The following MUSK variants were observed in gnomAD, a reference collection of about 807,000 sequenced individuals.
MUSK encodes muscle associated receptor tyrosine kinase.
MUSK carries 55 observed loss-of-function variants against 88.7 expected under a neutral mutation model. The ratio of observed to expected loss-of-function variants is 0.62; its 90% confidence interval spans 0.50 to 0.78. The LOEUF (loss-of-function observed/expected upper bound fraction) is 0.78. Ranked by LOEUF, MUSK falls within the 30% of genes least tolerant of loss-of-function variation. MUSK has a pLI of 0.00. For missense variants in MUSK, 1,015 were observed against 1,074.3 expected, an observed-to-expected ratio of 0.94 and a Z score of 0.77; for synonymous variants, 387 against 391.9, an observed-to-expected ratio of 0.99 and a Z score of 0.15.
chr9:110,726,134 A>G (rs949906316), intron 5 of MUSK, among the ~76,000 whole-genome samples: 3 of 152,050 alleles, frequency 2.0e-5, no homozygotes, highest in Admixed American at 1.3e-4. Context: ...ATTTGTATCT[A>G]TAAAGAGGTA....
chr9:110,762,248 GT>G, intron 8 of MUSK, 40 bp downstream of exon 8: 2 of 1,380,812 alleles, frequency 1.4e-6, no homozygotes, highest in Non-Finnish European at 9.5e-7. Context: ...CCAATGTTTT[GT>G]TTTGTAGGGA....
chr9:110,785,819 T>C (rs1001251718), intron 13 of MUSK, 101 bp downstream of exon 13: 1 of 669,390 alleles, frequency 1.5e-6, no homozygotes, highest in East Asian at 3.0e-5. Context: ...GCTTTATATA[T>C]ATATACACAC....
chr9:110,674,786 A>AT (rs887779258), intron 1 of MUSK, among the ~76,000 whole-genome samples: 2 of 151,854 alleles, frequency 1.3e-5, no homozygotes, highest in Non-Finnish European at 2.9e-5. Flanking sequence ...TAATTTTTAA[A>AT]TTTTTTGTAG....
rs1564293633 is a variant in MUSK, at chr9:110,787,742, C to G, written c.1831C>G (p.Leu611Val). The G allele has an allele frequency of 6.2e-7, 1 of 1,613,888 alleles. No homozygotes were observed. The highest frequency in any genetic ancestry group is 8.5e-7 in the Non-Finnish European group (1 of 1,179,824). Residue 611 changes from leucine to valine, a missense_variant, in exon 14 of 15, where the codon CTC becomes GTC. Coordinates refer to ENST00000374448, the MANE Select transcript of MUSK (RefSeq NM_005592.4). ...EPFTMVAVKM[L>V]KEEASADMQA... The stretch of plus-strand genomic sequence containing the variant: ...TTTCACTATGGTGGCAGTAAAGATG[C>G]TCAAAGAAGAAGCCTCGGCAGATAT...
chr9:110,781,253 G>C (rs565448975), intron 11 of MUSK, among the ~76,000 whole-genome samples: 216 of 109,820 alleles, frequency 2.0e-3, no homozygotes, highest in African/African-American at 6.7e-3. Flanking sequence ...GTTTGTGTGT[G>C]TTTTTTTGTT....
intron 14 of MUSK, chr9:110,788,069 T>G (rs2077905833): frequency 2.0e-6 from 1 of 501,820 alleles, no homozygotes; most frequent in Admixed American, 3.7e-5. Context: ...CTTTGCTGCC[T>G]CCTATTTATA....
intron 6 of MUSK, among the ~76,000 whole-genome samples, chr9:110,741,407 A>T (rs1353795360): frequency 6.6e-6 from 1 of 152,130 alleles, no homozygotes; most frequent in Non-Finnish European, 1.5e-5. Context: ...AGGAAGACTG[A>T]TTGGCTGTAG....
intron 4 of MUSK, among the ~76,000 whole-genome samples, chr9:110,696,284 A>C (rs1437774234): frequency 6.6e-6 from 1 of 151,988 alleles, no homozygotes; most frequent in East Asian, 1.9e-4. Flanking sequence ...TCTCAAAAAA[A>C]AAAAAAGTTA....
At chr9:110,797,969 A>T (rs1564298530) in intron 14 of MUSK, among the ~76,000 whole-genome samples, 1 of 152,224 alleles carries the variant, frequency 6.6e-6, no homozygotes, top group East Asian at 1.9e-4. Flanking sequence ...TAGCATGCTT[A>T]TACATCACTA....
intron 5 of MUSK, among the ~76,000 whole-genome samples, chr9:110,725,220 A>C (rs967567136): frequency 1.3e-5 from 2 of 152,100 alleles, no homozygotes; most frequent in Non-Finnish European, 2.9e-5. Context: ...ATGCAAAGGC[A>C]TAAGAATGAC....
chr9:110,731,921 T>G (rs62574063), intron 5 of MUSK, among the ~76,000 whole-genome samples: 42,078 of 148,012 alleles, frequency 0.28, 6,724 homozygotes, highest in Non-Finnish European at 0.36. Flanking sequence ...GAAAAAAAAC[T>G]GCTATAAATT....
chr9:110,729,568 G>A, intron 5 of MUSK, among the ~76,000 whole-genome samples: 1 of 151,700 alleles, frequency 6.6e-6, no homozygotes, highest in East Asian at 1.9e-4. Context: ...TAAATACCAG[G>A]TTGCTTACAA....
chr9:110,765,972 G>C (rs137914984), intron 8 of MUSK, among the ~76,000 whole-genome samples: 1 of 152,258 alleles, frequency 6.6e-6, no homozygotes, highest in Non-Finnish European at 1.5e-5. Context: ...AACAGGCTGA[G>C]TGGGGAAACT....
intron 1 of MUSK, among the ~76,000 whole-genome samples, chr9:110,681,094 TTATATAATATATATTA>T (rs750784313): frequency 0.12 from 1,923 of 15,966 alleles, 425 homozygotes; most frequent in East Asian, 0.64. Flanking sequence ...ATAATATATA[TTATATAATATATATTA>T]TATATAATAT....
At position 110,767,999 on chromosome 9, in the gene MUSK, G is replaced by C. The variant is rs1038479586; in HGVS notation, c.1100G>C (p.Arg367Pro). 3.1e-6 allele frequency: 5 copies of C among 1,613,914 alleles called. No homozygotes were observed. The highest frequency in any genetic ancestry group is 3.4e-6 in the Non-Finnish European group (4 of 1,179,876). Residue 367 changes from arginine to proline, a missense_variant, in exon 9 of 15, where the codon CGG (arginine) becomes CCG (proline). By Grantham distance (103) the Arg-to-Pro change is moderately radical. Coordinates refer to ENST00000374448, the MANE Select transcript of MUSK (RefSeq NM_005592.4). ...CTGAAAGTAGTGAGCCCAGTCTGCC[G>C]GCCAGCTGCTGAGGCTTTGTTGTGT... ...NELKVVSPVC[R>P]PAAEALLCNH...
chr9:110,719,246 C>T (rs568563469), intron 5 of MUSK, among the ~76,000 whole-genome samples: 73 of 152,032 alleles, frequency 4.8e-4, no homozygotes, highest in African/African-American at 1.6e-3. Flanking sequence ...TCAATACTAA[C>T]GTGGAATGTA....
intron 1 of MUSK, among the ~76,000 whole-genome samples, chr9:110,670,533 T>C (rs930041147): frequency 2.0e-5 from 3 of 152,186 alleles, no homozygotes; most frequent in African/African-American, 4.8e-5. Flanking sequence ...TTAATTTATA[T>C]TCTAGAAAGA....
chr9:110,772,891 A>G (rs1350384279), intron 9 of MUSK, among the ~76,000 whole-genome samples: 2 of 152,100 alleles, frequency 1.3e-5, no homozygotes, highest in Non-Finnish European at 2.9e-5. Flanking sequence ...GTTGTCAACC[A>G]TTTTATATTC....
At position 110,800,456 on chromosome 9, in the gene MUSK, G is replaced by A. The variant is rs776206952; in HGVS notation, c.2078G>A (p.Gly693Glu). The change falls in exon 15 of 15, where the codon GGG (glycine) becomes GAG (glutamate). Residue 693 changes from glycine (G) to glutamate (E), a missense_variant. Transcript: ENST00000374448. ...LSMRAQVSSPGPPPLSCAEQL... is the reference protein window; with the variant it reads ...LSMRAQVSSPEPPPLSCAEQL... ...ATGAGGGCTCAGGTCTCCAGCCCTG[G>A]GCCCCCACCCCTCTCCTGTGCTGAG... 1 of 1,613,794 alleles carries A rather than the reference G, an allele frequency of 6.2e-7. No individual in the cohort carries two copies. Among genetic ancestry groups the A allele is most frequent in the Non-Finnish European group, 8.5e-7 (1 of 1,179,832 alleles).
Sources: allele counts gnomAD v4.1 joint callset (sites outside exome capture counted in the v4.1 genomes callset), GRCh38; gene constraint gnomAD v4.1.1; transcripts MANE v1.5; gene names NCBI Gene and HGNC (gene_info 2026-07-23, HGNC 2026-07-21).